Variants in DUSP29 observed in about 807,000 individuals in gnomAD.
DUSP29 encodes the protein atypical dual-specific protein phosphatase.
In DUSP29, 12 loss-of-function variants were observed where a neutral mutation model predicts 13.5. The observed-to-expected ratio is 0.89, with a 90% confidence interval of 0.57 to 1.44. The LOEUF is 1.44. Among genes scored for constraint, DUSP29 ranks in the 40% most tolerant of loss-of-function variants. The pLI is 0.00. For synonymous variants in DUSP29, 134 were observed against 128.7 expected, an observed-to-expected ratio of 1.04 and a Z score of -0.28; for missense variants, 308 against 301.1, an observed-to-expected ratio of 1.02 and a Z score of -0.17.
At chr10:75,061,324 T>G (rs10824261) in intron 1 of DUSP29, among the ~76,000 whole-genome samples, 20,368 of 152,030 alleles carry the variant, frequency 0.13, 2,104 homozygotes, top group South Asian at 0.28. Context: ...TAGCCATGAG[T>G]GTCTGTAGGG....
At chr10:75,063,389 A>G (rs1847130855) in intron 1 of DUSP29, among the ~76,000 whole-genome samples, 1 of 151,930 alleles carries the variant, frequency 6.6e-6, no homozygotes, top group South Asian at 2.1e-4. Context: ...ATATACATAA[A>G]AGCCTTCCTA....
At chr10:75,043,571 C>G (rs1006661285) in intron 3 of DUSP29, among the ~76,000 whole-genome samples, 4 of 152,224 alleles carry the variant, frequency 2.6e-5, no homozygotes, top group African/African-American at 9.7e-5. Context: ...CCTTTACCCT[C>G]GGCCACAAGC....
In DUSP29 at chr10:75,037,976, G is replaced by A. The variant is rs762991974; in HGVS notation, c.523C>T (p.Gln175Ter). 3.8e-5 allele frequency: 62 copies of A among 1,613,868 alleles called. No individual in the cohort carries two copies. The highest frequency in any genetic ancestry group is 4.8e-5 in the Non-Finnish European group (57 of 1,180,040). Residue 175 changes from glutamine (Q) to a stop codon, truncating the protein, a stop_gained, in exon 4 of 4, where the codon CAG becomes TAG. Transcript: ENST00000338487. LOFTEE classifies it low-confidence loss of function (END_TRUNC). ...ACGCAGCGGTTCTTGGCCACTTGCT[G>A]GATGGCGTCCACCAGGGTCATGTCC... Reference protein sequence around the residue: ...HKDMTLVDAIQQVAKNRCVLP... With the variant: ...HKDMTLVDAI
At chr10:75,057,203 G>T (rs1436543484) in intron 2 of DUSP29, among the ~76,000 whole-genome samples, 1 of 152,050 alleles carries the variant, frequency 6.6e-6, no homozygotes, top group Non-Finnish European at 1.5e-5. Flanking sequence ...GAACCCAGGA[G>T]GCAGAGGTTG....
intron 2 of DUSP29, among the ~76,000 whole-genome samples, chr10:75,053,298 A>G (rs1332858000): frequency 6.6e-6 from 1 of 152,120 alleles, no homozygotes; most frequent in South Asian, 2.1e-4. Flanking sequence ...AGCTATTCCC[A>G]TCCTGCTTCC....
At chr10:75,066,958 CTT>C (rs61298475) in intron 1 of DUSP29, among the ~76,000 whole-genome samples, 1 of 139,592 alleles carries the variant, frequency 7.2e-6, no homozygotes. Flanking sequence ...TTTTCTTTTT[CTT>C]TTTTTTTTTT....
chr10:75,049,422 C>T (rs1461229185), intron 2 of DUSP29, among the ~76,000 whole-genome samples: 4 of 152,206 alleles, frequency 2.6e-5, no homozygotes, highest in Non-Finnish European at 4.4e-5. Context: ...CCTAACCATG[C>T]AAGGAGATGG....
chr10:75,050,101 C>A (rs1026614248), intron 2 of DUSP29, among the ~76,000 whole-genome samples: 1 of 152,176 alleles, frequency 6.6e-6, no homozygotes, highest in Non-Finnish European at 1.5e-5. Context: ...TCAATTATCC[C>A]GTTTCAGCCA....
At chr10:75,055,400 C>T (rs1846937545) in intron 2 of DUSP29, among the ~76,000 whole-genome samples, 1 of 152,078 alleles carries the variant, frequency 6.6e-6, no homozygotes, top group Non-Finnish European at 1.5e-5. Context: ...AAATATCACA[C>T]AGAGATTGGC....
intron 2 of DUSP29, among the ~76,000 whole-genome samples, chr10:75,048,398 C>CTT (rs549203411): frequency 1.0e-4 from 13 of 126,350 alleles, no homozygotes; most frequent in East Asian, 4.6e-4. Context: ...CTTTTTTTTT[C>CTT]TTTTTTTTTT....
Position 75,069,701 on chromosome 10 carries a change from A to G in DUSP29, c.-35+3868T>C, listed in dbSNP as rs114123720. ...GGCCTTGGCTGGACCCAGGGAAATG[A>G]TTGTGTTGCTTTTATTGTGTGCCCA... On this transcript the variant is annotated intron_variant, in intron 1 of 3. Transcript: ENST00000338487. Among the ~76,000 whole-genome samples, 688 of 152,244 alleles carry G rather than the reference A, an allele frequency of 4.5e-3. 8 individuals carry two copies. Among genetic ancestry groups the G allele is most frequent in the African/African-American group, 0.016 (657 of 41,518 alleles).
rs146333615 is a variant in DUSP29 at position 75,045,241 on chromosome 10, A to C, written c.201-1224T>G. Among the ~76,000 whole-genome samples the C allele has an allele frequency of 9.3e-3, 1,422 of 152,318 alleles. 19 individuals carry two copies. Among genetic ancestry groups the C allele is most frequent in the Non-Finnish European group, 0.015 (997 of 68,022 alleles). On this transcript the variant is annotated intron_variant, in intron 2 of 3. Transcript: ENST00000338487. ...AAAAAACAGCCAGGTGTGATGGCGCATGCCTGCAGTCCCAGCTACTTGGGA... is the reference window on the plus strand; with the variant it reads ...AAAAAACAGCCAGGTGTGATGGCGCCTGCCTGCAGTCCCAGCTACTTGGGA...
At position 75,049,791 on chromosome 10, in the gene DUSP29, A is replaced by G. The variant is rs1589860703; in HGVS notation, c.201-5774T>C. On this transcript the variant is annotated intron_variant, in intron 2 of 3. Transcript: ENST00000338487. Reference sequence around the variant, plus strand: ...CTTCACTTCACTTCCCAGGCTCTCAACGCCAGGCCAGCTGTGGCGATGCCT... The same window carrying G: ...CTTCACTTCACTTCCCAGGCTCTCAGCGCCAGGCCAGCTGTGGCGATGCCT... Among the ~76,000 whole-genome samples, 6 of 151,670 alleles carry G rather than the reference A, an allele frequency of 4.0e-5. No homozygotes were observed. In the South Asian group the frequency reaches 1.3e-3, roughly 32 times the overall value.
At chr10:75,049,142 A>G (rs1846769562) in intron 2 of DUSP29, among the ~76,000 whole-genome samples, 1 of 152,214 alleles carries the variant, frequency 6.6e-6, no homozygotes, top group Non-Finnish European at 1.5e-5. Context: ...TTGTCTTTCT[A>G]CATTTTGTAC....
At chr10:75,058,960 T>A (rs1847028703) in intron 1 of DUSP29, among the ~76,000 whole-genome samples, 1 of 152,158 alleles carries the variant, frequency 6.6e-6, no homozygotes, top group South Asian at 2.1e-4. Flanking sequence ...TTCCTGACAT[T>A]CCAGGCCTGT....
intron 1 of DUSP29, among the ~76,000 whole-genome samples, chr10:75,065,722 A>G (rs1304235567): frequency 6.6e-6 from 1 of 150,600 alleles, no homozygotes; most frequent in Non-Finnish European, 1.5e-5. Context: ...ACAGGGCCTC[A>G]CTCAGTTGCC....
At position 75,050,756 on chromosome 10, in the gene DUSP29, T is replaced by TG. The variant is rs544623576; in HGVS notation, c.201-6740dup. 7.4e-4 allele frequency among the ~76,000 whole-genome samples: 112 copies of TG among 152,028 alleles called. 1 individual carries two copies. The South Asian group carries it at 8.7e-3, about 12-fold the overall frequency. On this transcript the variant is annotated intron_variant, in intron 2 of 3. Transcript: ENST00000338487. ...TCGAGTTAGAGGAATGAGTGGGGAG[T>TG]GGGTGGCTACACCTTGTGTGAAGAA...
In DUSP29 at chr10:75,037,699, C is replaced by T; in HGVS notation, c.*137G>A. The stretch of plus-strand genomic sequence containing the variant: ...CTGGGTCCTCCCTGTCCCCAGCACA[C>T]ATGGGGAAGTTGAACAAGATGGTTT... On this transcript the variant is annotated 3_prime_UTR_variant, in exon 4 of 4. Coordinates refer to ENST00000338487, the MANE Select transcript of DUSP29 (RefSeq NM_001003892.3). 3.5e-6 allele frequency: 5 copies of T among 1,418,020 alleles called. No homozygotes were observed. The highest frequency in any genetic ancestry group is 3.8e-6 in the Non-Finnish European group (4 of 1,058,476). 87.8% of individuals were successfully genotyped at this position (1,418,020 alleles called of 1,614,324 possible).
intron 1 of DUSP29, among the ~76,000 whole-genome samples, chr10:75,062,344 G>A (rs748570362): frequency 2.0e-5 from 3 of 152,180 alleles, no homozygotes; most frequent in African/African-American, 4.8e-5. Context: ...TTCGGGAGAC[G>A]CTAGAGTCAA....
Sources: gnomAD v4.1 joint callset for allele counts (sites outside exome capture counted in the v4.1 genomes callset) on GRCh38, gnomAD v4.1.1 for gene constraint, MANE v1.5 for transcripts, NCBI Gene and HGNC (gene_info 2026-07-23, HGNC 2026-07-21) for gene names.